The following DHX30 variants were observed in gnomAD, a reference collection of about 807,000 sequenced individuals.
DHX30 encodes DExH-box helicase 30.
In DHX30, 4 loss-of-function variants were observed where a neutral mutation model predicts 116.9. The observed-to-expected ratio is 0.03, with a 90% CI of 0.02 to 0.08. DHX30 has a LOEUF of 0.08. DHX30 is among the 10% of genes least tolerant of loss of function. The probability of loss-of-function intolerance (pLI) is 1.00; values close to 1 mark genes in which losing one functional copy is unlikely to be tolerated. For synonymous variants in DHX30, 697 were observed against 651.7 expected, an observed-to-expected ratio of 1.07 and a Z score of -1.06; for missense variants, 871 against 1,595.1, an observed-to-expected ratio of 0.55 and a Z score of 7.73.
chr3:47,845,605 T>C, intron 9 of DHX30, 95 bp from the exon 10 acceptor site: 1 of 1,358,998 alleles, frequency 7.4e-7, no homozygotes, highest in Non-Finnish European at 9.6e-7. Context: ...TAGAGATTAC[T>C]TGGCACAACT....
chr3:47,835,400 T>C (rs1321286121), intron 6 of DHX30, among the ~76,000 whole-genome samples: 1 of 152,162 alleles, frequency 6.6e-6, no homozygotes, highest in Non-Finnish European at 1.5e-5. Context: ...ACTCCTGACC[T>C]CAGGTGATCT....
intron 6 of DHX30, among the ~76,000 whole-genome samples, chr3:47,831,935 T>TA (rs1323976662): frequency 2.0e-5 from 3 of 149,112 alleles, no homozygotes; most frequent in Non-Finnish European, 4.5e-5. Flanking sequence ...TTTTTCTTTT[T>TA]TTTTTTTTTT....
intron 6 of DHX30, among the ~76,000 whole-genome samples, chr3:47,837,872 G>C (rs148806097): frequency 6.6e-6 from 1 of 152,194 alleles, no homozygotes; most frequent in Admixed American, 6.6e-5. Flanking sequence ...CCAGCAGGGG[G>C]AGCTGTGGAC....
intron 4 of DHX30, chr3:47,825,151 A>G (rs944033878): frequency 1.5e-6 from 1 of 672,936 alleles, no homozygotes; most frequent in Non-Finnish European, 2.7e-6. Context: ...CTTCTCTTCA[A>G]GCTGCGCCCA....
In DHX30 at chr3:47,832,076, C is replaced by CT. The variant is rs565015686; in HGVS notation, c.366+2956dup. On this transcript the variant is annotated intron_variant, in intron 6 of 21. Transcript: ENST00000445061. The stretch of plus-strand genomic sequence containing the variant: ...TATTAACTTGAGAGCCAGTTAATAT[C>CT]TTTTTTTTTTTTTTAATAGAGACAG... Among the ~76,000 whole-genome samples, 303 of 139,174 alleles carry CT rather than the reference C, an allele frequency of 2.2e-3. 2 individuals are homozygous for CT. The highest frequency in any genetic ancestry group is 3.9e-3 in the Middle Eastern group (1 of 256). 91.3% of individuals were successfully genotyped at this position (139,174 alleles called of 152,430 possible). A position where few individuals can be genotyped will look rare whatever the true frequency, so the allele number is the denominator to read the frequency against.
Position 47,841,680 on chromosome 3 carries a change from T to C in DHX30, c.732T>C (p.Leu244=). 2.2e-5 allele frequency: 35 copies of C among 1,614,246 alleles called. No individual in the cohort carries two copies. Among genetic ancestry groups the C allele is most frequent in the Non-Finnish European group, 3.0e-5 (35 of 1,180,042 alleles). The change falls in exon 8 of 22, where the codon CTT becomes CTC. Residue 244 remains leucine (L), a synonymous_variant. Transcript: ENST00000445061. Reference sequence around the variant, plus strand: ...TTAGGGCTCTGACCCAGTTTCCACTTCCCAAGAACCTTCTGGCCAAGGTGA... The same window carrying C: ...TTAGGGCTCTGACCCAGTTTCCACTCCCCAAGAACCTTCTGGCCAAGGTGA... ...SAIRALTQFP[L]PKNLLAKVIQ...
In DHX30 at chr3:47,848,771, G is replaced by A. The variant is rs1553707019; in HGVS notation, c.2723G>A (p.Arg908Gln). The A allele has an allele frequency of 1.2e-6, 2 of 1,614,050 alleles. No individual in the cohort carries two copies. Among genetic ancestry groups the A allele is most frequent in the Non-Finnish European group, 8.5e-7 (1 of 1,179,964 alleles). ...CTGGTGGTCGTTTCCTGCCTCACCCGGGACCCCTTCAGCAGCAGCCTACAG... is the reference window on the plus strand; with the variant it reads ...CTGGTGGTCGTTTCCTGCCTCACCCAGGACCCCTTCAGCAGCAGCCTACAG... ...PLLVVVSCLT[R>Q]DPFSSSLQNR... The change falls in exon 17 of 22, where the codon CGG (arginine) becomes CAG (glutamine). Residue 908 changes from arginine (R) to glutamine (Q), a missense_variant. Coordinates refer to ENST00000445061, the MANE Select transcript of DHX30 (RefSeq NM_138615.3). This position sits in a 1 kb window ranked among gnomAD's most constrained non-coding sequence, Gnocchi z 9.4.
intron 2 of DHX30, among the ~76,000 whole-genome samples, chr3:47,807,690 C>G: frequency 8.2e-6 from 1 of 121,688 alleles, no homozygotes; most frequent in Non-Finnish European, 1.6e-5. Flanking sequence ...GGTGACAGAG[C>G]GAGACTCTGT....
chr3:47,811,969 CAGG>C (rs1003500139), intron 3 of DHX30, among the ~76,000 whole-genome samples: 89 of 148,822 alleles, frequency 6.0e-4, no homozygotes, highest in African/African-American at 2.1e-3. Context: ...GAGGCTGAGG[CAGG>C]AGAATAGCTT....
rs771350114 is a variant in DHX30, at chr3:47,846,576, C to T, written c.1504C>T (p.Arg502Trp). The T allele has an allele frequency of 3.7e-6, 6 of 1,614,090 alleles. No homozygotes were observed. Among genetic ancestry groups the T allele is most frequent in the East Asian group, 2.2e-5 (1 of 44,882 alleles). Reference protein sequence around the residue: ...RRISAVSVAQRVSHELGPSLR... With the variant: ...RRISAVSVAQWVSHELGPSLR... ...CATCTCTGCTGTGTCTGTGGCACAG[C>T]GGGTCAGCCACGAACTGGGCCCCTC... The change falls in exon 11 of 22, where the codon CGG becomes TGG. Residue 502 changes from arginine (R) to tryptophan (W), a missense_variant. Arg to Trp is a moderately radical substitution (Grantham distance 101, BLOSUM62 -3). This residue lies in a region of DHX30 where 63 missense variants were observed against 180.6 expected (regional missense o/e 0.35). Coordinates refer to ENST00000445061, the MANE Select transcript of DHX30 (RefSeq NM_138615.3).
Position 47,830,584 on chromosome 3 carries a change from C to T in DHX30, c.366+1450C>T, listed in dbSNP as rs138680564. On this transcript the variant is annotated intron_variant, in intron 6 of 21. Coordinates refer to ENST00000445061, the MANE Select transcript of DHX30 (RefSeq NM_138615.3). ...CCAAAGTGCTGGGTTTACAAACATG[C>T]GGCACCGTGCCTAGCTCTAATTTTT... Among the ~76,000 whole-genome samples, 512 of 151,630 alleles carry T rather than the reference C, an allele frequency of 3.4e-3. 4 individuals are homozygous for T. The highest frequency in any genetic ancestry group is 4.8e-3 in the Non-Finnish European group (326 of 67,886).
At chr3:47,837,993 C>T (rs141557166) in intron 6 of DHX30, among the ~76,000 whole-genome samples, 14 of 152,198 alleles carry the variant, frequency 9.2e-5, no homozygotes, top group Admixed American at 2.6e-4. Context: ...CCTGTGGGGA[C>T]GAGATCCTCT....
chr3:47,836,822 G>GT (rs1344449081), intron 6 of DHX30, among the ~76,000 whole-genome samples: 1 of 152,064 alleles, frequency 6.6e-6, no homozygotes, highest in Non-Finnish European at 1.5e-5. Flanking sequence ...AGTTGTTTTT[G>GT]TTTTTTTGAT....
rs575490259 is a variant in DHX30 at position 47,845,981 on chromosome 3, A to C, written c.1092+129A>C. ...CTCTTCACTGAGTTTGGGGCCTGGG[A>C]TCCCCCTGGCCTGAACAGCCCAGTC... On this transcript the variant is annotated intron_variant, in intron 10 of 21. Transcript: ENST00000445061. The C allele has an allele frequency of 5.5e-6, 8 of 1,457,544 alleles. 1 individual carries two copies. Among genetic ancestry groups the C allele is most frequent in the Non-Finnish European group, 2.8e-6 (3 of 1,088,564 alleles). The allele number at this position is 1,457,544 out of a possible 1,614,324, so 90.3% of individuals were successfully genotyped here. A position where few individuals can be genotyped will look rare whatever the true frequency, so the allele number is the denominator to read the frequency against.
chr3:47,818,999 T>C (rs1425880125), intron 4 of DHX30, among the ~76,000 whole-genome samples: 12 of 151,840 alleles, frequency 7.9e-5, no homozygotes, highest in Admixed American at 7.9e-4. Flanking sequence ...TCAGGAGGAG[T>C]GTGGGGAACA....
chr3:47,806,709 T>C (rs2035541887), intron 2 of DHX30, among the ~76,000 whole-genome samples: 1 of 151,968 alleles, frequency 6.6e-6, no homozygotes, highest in Non-Finnish European at 1.5e-5. Flanking sequence ...CCTCCCAAAG[T>C]GCTGGGATTA....
chr3:47,844,128 C>T (rs1559717737), intron 9 of DHX30, among the ~76,000 whole-genome samples: 1 of 152,156 alleles, frequency 6.6e-6, no homozygotes, highest in Non-Finnish European at 1.5e-5. Context: ...GTTTAGTTTG[C>T]AGACCAAGAT....
At chr3:47,816,748 G>C in intron 3 of DHX30, 2 of 985,550 alleles carry the variant, frequency 2.0e-6, no homozygotes, top group Non-Finnish European at 2.4e-6. Context: ...GTGAAGGAGT[G>C]TGTGCAGCTG....
In DHX30 at chr3:47,832,180, G is replaced by C. The variant is rs556611237; in HGVS notation, c.366+3046G>C. Among the ~76,000 whole-genome samples the C allele has an allele frequency of 6.6e-5, 10 of 151,786 alleles. No homozygotes were observed. In the South Asian group the frequency reaches 1.9e-3, roughly 29 times the overall value. ...TCTGCCTCGGCCTCCCAAAGTGCTG[G>C]GATTACAGATGTGCGCTGACTGCCT... On this transcript the variant is annotated intron_variant, in intron 6 of 21. Transcript: ENST00000445061.
Sources: allele counts gnomAD v4.1 joint callset (sites outside exome capture counted in the v4.1 genomes callset), GRCh38; gene constraint gnomAD v4.1.1; regional missense constraint gnomAD v4.1.1; non-coding constraint Gnocchi (gnomAD v3.1); transcripts MANE v1.5; gene names NCBI Gene and HGNC (gene_info 2026-07-23, HGNC 2026-07-21).